The following KLC2 variants were observed in gnomAD, a reference collection of about 807,000 sequenced individuals.
KLC2 encodes the protein KLC 2.
Under a neutral mutation model 75.1 loss-of-function variants are expected in KLC2, and 35 were observed. The observed-to-expected ratio is 0.47, with a 90% CI of 0.36 to 0.62. The LOEUF is 0.62. Among genes scored for constraint, KLC2 ranks in the 20% least tolerant of loss-of-function variants. KLC2 has a pLI of 0.00. For synonymous variants in KLC2, 314 were observed against 336.7 expected (o/e 0.93, Z 0.74); for missense variants, 611 against 833.2 (o/e 0.73, Z 3.28).
At chr11:66,266,770 C>A in intron 15 of KLC2, 103 bp from the exon 16 acceptor site, 1 of 1,241,120 alleles carries the variant, frequency 8.1e-7, no homozygotes, top group Non-Finnish European at 1.2e-6. Context: ...CTCTGCCCAG[C>A]TCAGGGATTC....
Position 66,266,220 on chromosome 11 carries a change from G to A in KLC2, c.1727+3G>A, listed in dbSNP as rs747453610. On this transcript the variant is annotated splice_donor_region_variant and intron_variant, in intron 14 of 15. Coordinates refer to ENST00000394067, the MANE Select transcript of KLC2 (RefSeq NM_001318734.2). The stretch of plus-strand genomic sequence containing the variant: ...CCCCAGGAGCCCCCTAACCCCAGGT[G>A]AGCCCCCCACCAAGGTGAGCCTCAA... 5.6e-6 allele frequency: 9 copies of A among 1,598,578 alleles called. No homozygotes were observed. The highest frequency in any genetic ancestry group is 3.3e-5 in the South Asian group (3 of 89,848).
At chr11:66,262,773 G>A (rs1856524665) in intron 4 of KLC2, 41 bp from the exon 5 acceptor site, 2 of 1,470,622 alleles carry the variant, frequency 1.4e-6, no homozygotes, top group Non-Finnish European at 1.9e-6. Flanking sequence ...CCAGTCCAGT[G>A]GGCAGATGGT....
the KLC2 span, among the ~76,000 whole-genome samples, chr11:66,249,007 G>A: frequency 2.0e-5 from 3 of 152,174 alleles, no homozygotes; most frequent in East Asian, 1.9e-4. Context: ...GATTACAGGC[G>A]TGAACCAACA....
chr11:66,255,757 CTT>C (rs111692323), upstream of KLC2, among the ~76,000 whole-genome samples: 1 of 141,682 alleles, frequency 7.1e-6, no homozygotes, highest in Admixed American at 7.1e-5. Flanking sequence ...GCTTGTTTGC[CTT>C]TTTTTTTTTT....
upstream of KLC2, among the ~76,000 whole-genome samples, chr11:66,255,655 G>A (rs1278999803): frequency 6.6e-6 from 1 of 152,116 alleles, no homozygotes; most frequent in East Asian, 1.9e-4. Flanking sequence ...CATAATCAAT[G>A]GACATAAGAA....
upstream of KLC2, among the ~76,000 whole-genome samples, chr11:66,256,788 T>A (rs1243180063): frequency 6.6e-6 from 1 of 152,216 alleles, no homozygotes; most frequent in Non-Finnish European, 1.5e-5. Flanking sequence ...AGCTTTTTTT[T>A]TGTGGACAGG....
intron 9 of KLC2, 123 bp from the exon 10 acceptor site, chr11:66,264,900 T>C: frequency 1.2e-6 from 1 of 836,794 alleles, no homozygotes; most frequent in Admixed American, 2.3e-5. Flanking sequence ...TGGGTCTTAC[T>C]CTTGTTCATG....
chr11:66,255,507 C>T (rs569985336), upstream of KLC2, among the ~76,000 whole-genome samples: 1 of 151,790 alleles, frequency 6.6e-6, no homozygotes, highest in East Asian at 2.0e-4. Context: ...GGCAATATAT[C>T]TGGAAAATAA....
At position 66,264,332 on chromosome 11, in the gene KLC2, C is replaced by G. The variant is rs1036418261; in HGVS notation, c.1117-13C>G. The G allele has an allele frequency of 3.1e-6, 5 of 1,605,898 alleles. No homozygotes were observed. Among genetic ancestry groups the G allele is most frequent in the African/African-American group, 1.3e-5 (1 of 74,910 alleles). ...CATGCATCCCGCTCACTCTCTGGGT[C>G]TCCCGCTTCCAGGCTTCCTGCTACC... On this transcript the variant is annotated splice_polypyrimidine_tract_variant and intron_variant, in intron 8 of 15. Coordinates refer to ENST00000394067, the MANE Select transcript of KLC2 (RefSeq NM_001318734.2).
chr11:66,266,330 C>T (rs2134840474), intron 14 of KLC2, 103 bp from the exon 15 acceptor site: 1 of 1,485,200 alleles, frequency 6.7e-7, no homozygotes. Flanking sequence ...TCTCAGGCTC[C>T]ACCACCCACC....
chr11:66,260,972 C>T (rs1856363009), intron 2 of KLC2: 1 of 151,118 alleles, frequency 6.6e-6, no homozygotes, highest in African/African-American at 2.5e-5. Flanking sequence ...GGGGGAAGGA[C>T]CACTTGAGCC....
In KLC2 at chr11:66,262,976, C is replaced by G; in HGVS notation, c.692C>G (p.Thr231Arg). ...CAGGCACTCGAAGACCTGGAGAAGA[C>G]GTCAGGCCACGACCACCCTGACGTT... The part of the protein sequence containing the change: ...CKQALEDLEK[T>R]SGHDHPDVAT... The change falls in exon 5 of 16, where the codon ACG becomes AGG. Residue 231 changes from threonine (T) to arginine (R), a missense_variant. Transcript: ENST00000394067. The G allele has an allele frequency of 1.2e-6, 2 of 1,614,098 alleles. No homozygotes were observed. Among genetic ancestry groups the G allele is most frequent in the Non-Finnish European group, 1.7e-6 (2 of 1,179,988 alleles).
intron 2 of KLC2, among the ~76,000 whole-genome samples, chr11:66,260,299 T>C (rs1856301810): frequency 2.6e-5 from 4 of 152,118 alleles, no homozygotes; most frequent in Admixed American, 2.0e-4. Flanking sequence ...CAGTTGGCCG[T>C]CAGAGGTAGA....
chr11:66,258,333 C>G (rs1445540138), intron 1 of KLC2: 19 of 527,922 alleles, frequency 3.6e-5, no homozygotes, highest in Non-Finnish European at 5.8e-5. Context: ...CACTGAGCCG[C>G]CTAAGTCGGC....
chr11:66,263,629 C>T (rs1025899739), intron 5 of KLC2, 31 bp from the exon 6 acceptor site: 2 of 1,508,218 alleles, frequency 1.3e-6, no homozygotes, highest in Non-Finnish European at 1.8e-6. Flanking sequence ...AGCTGGAGGA[C>T]AGCCCTGACC....
At chr11:66,255,262 C>T (rs1188032294), upstream of KLC2, among the ~76,000 whole-genome samples, 6 of 152,326 alleles carry the variant, frequency 3.9e-5, no homozygotes, top group African/African-American at 1.2e-4. Context: ...GTTATTTCTG[C>T]TCACTGCAAC....
upstream of KLC2, among the ~76,000 whole-genome samples, chr11:66,254,912 A>G (rs1432644388): frequency 6.6e-6 from 1 of 151,834 alleles, no homozygotes; most frequent in Non-Finnish European, 1.5e-5. Flanking sequence ...GCGACAGAGC[A>G]TGACTCCATC....
chr11:66,265,254 G>T lies in KLC2; in HGVS notation c.1334+19G>T. 1 of 1,541,056 alleles carries T rather than the reference G, an allele frequency of 6.5e-7. No homozygotes were observed. The highest frequency in any genetic ancestry group is 1.1e-5 in the South Asian group (1 of 89,688). The stretch of plus-strand genomic sequence containing the variant: ...TAGACAGGTGAGTGGGGCGGGGCTG[G>T]GCTGGGGAGCAGGGCACGGCAGGGC... On this transcript the variant is annotated intron_variant, in intron 11 of 15. Coordinates refer to ENST00000394067, the MANE Select transcript of KLC2 (RefSeq NM_001318734.2).
chr11:66,260,817 G>A (rs1405412129), intron 2 of KLC2: 2 of 152,050 alleles, frequency 1.3e-5, no homozygotes, highest in Admixed American at 1.3e-4. Flanking sequence ...GGATGGTCTT[G>A]AAATCCTGAC....
Sources: gnomAD v4.1 joint callset for allele counts (sites outside exome capture counted in the v4.1 genomes callset) on GRCh38, gnomAD v4.1.1 for gene constraint, MANE v1.5 for transcripts, NCBI Gene and HGNC (gene_info 2026-07-23, HGNC 2026-07-21) for gene names.